Variants in RBFOX1 observed in about 807,000 individuals in gnomAD.
The protein encoded by RBFOX1 is RNA binding fox-1 homolog 1, also known as RNA binding protein fox-1 homolog 1.
Under a neutral mutation model 57.7 loss-of-function variants are expected in RBFOX1, and 8 were observed. The ratio of observed to expected loss-of-function variants is 0.14; its 90% confidence interval spans 0.08 to 0.25. The LOEUF is 0.25. Ranked by LOEUF, RBFOX1 falls within the 10% of genes least tolerant of loss-of-function variation. RBFOX1 has a pLI of 1.00. For missense variants in RBFOX1, 611 were observed against 548.5 expected (o/e 1.11, Z -1.14); for synonymous variants, 326 against 222.4 (o/e 1.47, Z -4.15).
chr16:6,580,397 C>T (rs1478097860), intron 2 of RBFOX1, among the ~76,000 whole-genome samples: 1 of 152,214 alleles, frequency 6.6e-6, no homozygotes, highest in Non-Finnish European at 1.5e-5. Flanking sequence ...AGGAGCACTA[C>T]TTCCTAATTA....
intron 14 of RBFOX1, among the ~76,000 whole-genome samples, chr16:7,700,136 T>C (rs2080184166): frequency 6.6e-6 from 1 of 152,134 alleles, no homozygotes; most frequent in Non-Finnish European, 1.5e-5. Context: ...CATAAGACTT[T>C]GGATCATCAA....
At chr16:6,606,932 C>T (rs28562327) in intron 2 of RBFOX1, among the ~76,000 whole-genome samples, 3 of 152,298 alleles carry the variant, frequency 2.0e-5, no homozygotes, top group African/African-American at 7.2e-5. Context: ...GGAATCACCA[C>T]ACTGTCTTTC....
At chr16:7,403,198 G>A (rs938326655) in intron 4 of RBFOX1, among the ~76,000 whole-genome samples, 1 of 152,150 alleles carries the variant, frequency 6.6e-6, no homozygotes, top group African/African-American at 2.4e-5. Flanking sequence ...TCTGAATCCA[G>A]TGAAGGTATC....
rs369882553 is a variant in RBFOX1 at position 6,164,739 on chromosome 16, A to G, written c.-127+144747A>G. On this transcript the variant is annotated intron_variant, in intron 1 of 15. Coordinates refer to ENST00000550418, the MANE Select transcript of RBFOX1 (RefSeq NM_018723.4). ...GTGATCCACCCCCCTTGGCCTTCCAAAGTGCTGGTGTGACCCACCGTGCCC... is the reference window on the plus strand; with the variant it reads ...GTGATCCACCCCCCTTGGCCTTCCAGAGTGCTGGTGTGACCCACCGTGCCC... 1.2e-4 allele frequency among the ~76,000 whole-genome samples: 18 copies of G among 152,182 alleles called. No homozygotes were observed. In the East Asian group the frequency reaches 3.1e-3, roughly 26 times the overall value.
chr16:7,510,814 G>T (rs533277309), intron 4 of RBFOX1, among the ~76,000 whole-genome samples: 1 of 152,288 alleles, frequency 6.6e-6, no homozygotes, highest in South Asian at 2.1e-4. Flanking sequence ...AGTCCATGCT[G>T]GTGGGGGGTC....
At chr16:5,518,126 A>G (rs954189630) in intron 2 of RBFOX1, among the ~76,000 whole-genome samples, 10 of 152,366 alleles carry the variant, frequency 6.6e-5, no homozygotes, top group African/African-American at 2.2e-4. Flanking sequence ...AAGCTAAAAC[A>G]AATTTATAAA....
intron 3 of RBFOX1, among the ~76,000 whole-genome samples, chr16:6,688,302 C>G (rs137861176): frequency 1.3e-5 from 2 of 152,104 alleles, no homozygotes; most frequent in South Asian, 2.1e-4. Flanking sequence ...TATCATGAGA[C>G]AGCACTAGGG....
chr16:7,202,387 A>G (rs889521695), intron 4 of RBFOX1, among the ~76,000 whole-genome samples: 1 of 152,176 alleles, frequency 6.6e-6, no homozygotes, highest in Non-Finnish European at 1.5e-5. Flanking sequence ...TAGGAAGGTA[A>G]AATAGTACAG....
intron 3 of RBFOX1, among the ~76,000 whole-genome samples, chr16:6,915,645 G>C (rs1010633437): frequency 1.3e-5 from 2 of 150,228 alleles, no homozygotes; most frequent in African/African-American, 4.9e-5. Flanking sequence ...CTGCCTCTCG[G>C]GTTCAAGTGA....
intron 1 of RBFOX1, among the ~76,000 whole-genome samples, chr16:6,233,035 C>G (rs1045591525): frequency 1.3e-5 from 2 of 152,116 alleles, no homozygotes; most frequent in African/African-American, 2.4e-5. Context: ...CTGCTCATCA[C>G]TATGTAGGCC....
chr16:6,588,523 C>T (rs868498545), intron 2 of RBFOX1, among the ~76,000 whole-genome samples: 2 of 151,606 alleles, frequency 1.3e-5, no homozygotes, highest in Non-Finnish European at 2.9e-5. Context: ...TGTGGTGGTG[C>T]ACACCCGTAA....
At chr16:7,574,456 A>G (rs919701732) in intron 5 of RBFOX1, among the ~76,000 whole-genome samples, 2 of 152,298 alleles carry the variant, frequency 1.3e-5, no homozygotes, top group East Asian at 1.9e-4. Flanking sequence ...CCAAAACCTC[A>G]AAAGTAGGGA....
chr16:6,602,377 C>G (rs977091302), intron 2 of RBFOX1, among the ~76,000 whole-genome samples: 9 of 152,090 alleles, frequency 5.9e-5, no homozygotes, highest in Non-Finnish European at 7.4e-5. Flanking sequence ...TTGTCCTGAG[C>G]TGTTTATAAG....
At chr16:7,374,153 G>A (rs1469838753) in intron 4 of RBFOX1, among the ~76,000 whole-genome samples, 1 of 152,188 alleles carries the variant, frequency 6.6e-6, no homozygotes, top group African/African-American at 2.4e-5. Flanking sequence ...AGGTGACAGG[G>A]TTTGCAGATG....
rs181803520 is a variant in RBFOX1, at chr16:5,975,656, C to G, written c.351+108321C>G. Among the ~76,000 whole-genome samples the G allele has an allele frequency of 2.5e-3, 376 of 152,210 alleles. 2 individuals are homozygous for G. Among genetic ancestry groups the G allele is most frequent in the Middle Eastern group, 0.02 (6 of 294 alleles). ...AGTTCTGGAGTAAAGGATGTCATGT[C>G]ATAGTCTGTGCTCTTGCCCATGTTG... On this transcript the variant is annotated intron_variant, in intron 4 of 19. Coordinates refer to the RBFOX1 transcript ENST00000641259.
chr16:6,494,952 T>C (rs1317303056), intron 2 of RBFOX1, among the ~76,000 whole-genome samples: 1 of 152,184 alleles, frequency 6.6e-6, no homozygotes, highest in Non-Finnish European at 1.5e-5. Flanking sequence ...AGAGCAGCCT[T>C]ATGAAGTATG....
At chr16:7,464,342 C>G (rs145707918) in intron 4 of RBFOX1, among the ~76,000 whole-genome samples, 1 of 152,064 alleles carries the variant, frequency 6.6e-6, no homozygotes, top group Non-Finnish European at 1.5e-5. Flanking sequence ...CGCAGGTGAA[C>G]GCTGACTCTT....
rs368096576 is a variant in RBFOX1, at chr16:5,956,678, A to ATATATAT, written c.351+89344_351+89345insATATATT. ...TATATTTATATATATATATATATAT[A>ATATATAT]TTTTTTTTGAGGCACAGTCTCATCC... On this transcript the variant is annotated intron_variant, in intron 4 of 19. Coordinates refer to the RBFOX1 transcript ENST00000641259. Among the ~76,000 whole-genome samples, 37 of 116,480 alleles carry ATATATAT rather than the reference A, an allele frequency of 3.2e-4. No homozygotes were observed. In the East Asian group the frequency reaches 3.3e-3, roughly 10 times the overall value. The allele number at this position is 116,480 out of a possible 152,430, so 76.4% of individuals were successfully genotyped here. A position where few individuals can be genotyped will look rare whatever the true frequency, so the allele number is the denominator to read the frequency against.
At chr16:7,187,731 A>G (rs1033155161) in intron 4 of RBFOX1, among the ~76,000 whole-genome samples, 3 of 122,174 alleles carry the variant, frequency 2.5e-5, no homozygotes, top group African/African-American at 1.3e-4. Context: ...AAAAAGGAAA[A>G]GAAAAGAAGC....
Sources: allele counts gnomAD v4.1 joint callset (sites outside exome capture counted in the v4.1 genomes callset), GRCh38; gene constraint gnomAD v4.1.1; transcripts MANE v1.5; gene names NCBI Gene and HGNC (gene_info 2026-07-23, HGNC 2026-07-21).